Variants in SFSWAP observed in about 807,000 individuals in gnomAD.
The protein encoded by SFSWAP is splicing factor, suppressor of white-apricot homolog.
In SFSWAP, 17 loss-of-function variants were observed where a neutral mutation model predicts 100.7. The ratio of observed to expected loss-of-function variants is 0.17; its 90% CI spans 0.12 to 0.25. The LOEUF is 0.25. Ranked by LOEUF, SFSWAP falls within the 10% of genes least tolerant of loss-of-function variation. SFSWAP has a pLI of 1.00. For missense variants in SFSWAP, 1,005 were observed against 1,262.6 expected, an observed-to-expected ratio of 0.80 and a Z score of 3.09; for synonymous variants, 504 against 510.1, an observed-to-expected ratio of 0.99 and a Z score of 0.16.
intron 13 of SFSWAP, among the ~76,000 whole-genome samples, chr12:131,773,868 CAGG>C (rs1307441635): frequency 6.6e-6 from 1 of 152,134 alleles, no homozygotes; most frequent in African/African-American, 2.4e-5. Flanking sequence ...ACAGCACAGC[CAGG>C]AGGAGAGTGG....
intron 13 of SFSWAP, among the ~76,000 whole-genome samples, chr12:131,769,832 T>A (rs1178481723): frequency 6.6e-6 from 1 of 152,192 alleles, no homozygotes. Context: ...TTTCACCATG[T>A]TAGCCAAGAT....
At chr12:131,777,541 C>T (rs1278121143) in intron 13 of SFSWAP, among the ~76,000 whole-genome samples, 1 of 152,182 alleles carries the variant, frequency 6.6e-6, no homozygotes, top group Non-Finnish European at 1.5e-5. Flanking sequence ...TCCAGTCTAT[C>T]ATTGTTGGAC....
intron 16 of SFSWAP, among the ~76,000 whole-genome samples, 179 bp from the exon 17 acceptor site, chr12:131,798,858 C>T (rs542092980): frequency 6.6e-6 from 1 of 151,810 alleles, no homozygotes; most frequent in Admixed American, 6.5e-5. Context: ...CCATTGCACT[C>T]CAGCCTGGGT....
chr12:131,756,354 C>A, intron 10 of SFSWAP, 119 bp from the exon 11 acceptor site: 1 of 815,120 alleles, frequency 1.2e-6, no homozygotes. Context: ...CCCAGTGCTG[C>A]TTGGGCAGTA....
Position 131,778,867 on chromosome 12 carries a change from G to A in SFSWAP, c.2408+537G>A, listed in dbSNP as rs1375182653. 6.6e-6 allele frequency among the ~76,000 whole-genome samples: 1 copy of A among 151,864 alleles called. No individual in the cohort carries two copies. Among genetic ancestry groups the A allele is most frequent in the African/African-American group, 2.4e-5 (1 of 41,334 alleles). The stretch of plus-strand genomic sequence containing the variant: ...AACTACTGCCAGGTTTTTAAAAATT[G>A]GTTTGTTTAAATTCTAATGGTTCCT... On this transcript the variant is annotated intron_variant, in intron 14 of 17. Transcript: ENST00000261674. The surrounding 1 kb of genome is among the most constrained non-coding windows in gnomAD (Gnocchi z 4.2).
Position 131,755,364 on chromosome 12 carries a change from TTTTC to T in SFSWAP, c.1455-14_1455-11del. The T allele has an allele frequency of 1.3e-6, 2 of 1,580,860 alleles. No individual in the cohort carries two copies. The highest frequency in any genetic ancestry group is 1.7e-6 in the Non-Finnish European group (2 of 1,150,456). On this transcript the variant is annotated intron_variant, in intron 9 of 17. Transcript: ENST00000261674. ...TGAGCTTGTCTTGGTAAATGACCCATTTTCTTTCTTTTTCTGCTCAGATTTGAGT... is the reference window on the plus strand; with the variant it reads ...TGAGCTTGTCTTGGTAAATGACCCATTTTCTTTTTCTGCTCAGATTTGAGT...
chr12:131,768,753 T>C (rs984947457), intron 13 of SFSWAP, among the ~76,000 whole-genome samples: 2 of 152,186 alleles, frequency 1.3e-5, no homozygotes, highest in Non-Finnish European at 2.9e-5. Context: ...CCACAGCTCT[T>C]CAGAGTCGGG....
At position 131,763,794 on chromosome 12, in the gene SFSWAP, T is replaced by C. The variant is rs376423797; in HGVS notation, c.1721-662T>C. Among the ~76,000 whole-genome samples the C allele has an allele frequency of 1.3e-4, 20 of 152,206 alleles. No individual in the cohort carries two copies. The East Asian group carries it at 1.5e-3, about 12-fold the overall frequency. ...CATCATATGCCTCCTGAAGCAAATTTAGATATATGCTGAGCCATGAATTTT... is the reference window on the plus strand; with the variant it reads ...CATCATATGCCTCCTGAAGCAAATTCAGATATATGCTGAGCCATGAATTTT... On this transcript the variant is annotated intron_variant, in intron 11 of 17. Transcript: ENST00000261674.
chr12:131,767,010 TC>T (rs1277645975), intron 13 of SFSWAP, among the ~76,000 whole-genome samples: 2 of 140,984 alleles, frequency 1.4e-5, no homozygotes, highest in East Asian at 2.2e-4. Context: ...AGGGGATTGC[TC>T]CCATGCGTGT....
rs1304911739 is a variant in SFSWAP, at chr12:131,714,002, A to G, written c.219-69A>G. 3 of 1,161,800 alleles carry G rather than the reference A, an allele frequency of 2.6e-6. No individual in the cohort carries two copies. The East Asian group carries it at 7.2e-5, about 28-fold the overall frequency. The allele number at this position is 1,161,800 out of a possible 1,614,324, so 72.0% of individuals were successfully genotyped here. On this transcript the variant is annotated intron_variant, in intron 1 of 17. Coordinates refer to ENST00000261674, the MANE Select transcript of SFSWAP (RefSeq NM_004592.4). This position sits in a 1 kb window ranked among gnomAD's most constrained non-coding sequence, Gnocchi z 6.0. ...TGTGTGTATATATATATACATATAT[A>G]AAACATCACACACGCACACCAGTCT...
At position 131,730,770 on chromosome 12, in the gene SFSWAP, G is replaced by A. The variant is rs571748440; in HGVS notation, c.1081+2342G>A. Among the ~76,000 whole-genome samples, 20 of 152,154 alleles carry A rather than the reference G, an allele frequency of 1.3e-4. No individual in the cohort carries two copies. The highest frequency in any genetic ancestry group is 3.9e-4 in the East Asian group (2 of 5,172). On this transcript the variant is annotated intron_variant, in intron 7 of 17. Transcript: ENST00000261674. This position sits in a 1 kb window ranked among gnomAD's most constrained non-coding sequence, Gnocchi z 4.0. ...GACTACCACCACCCTGGGCACTGAC[G>A]GCACCCCACCCTATCCTCCCAACTG...
chr12:131,764,307 G>C (rs939825512), intron 11 of SFSWAP, 149 bp from the exon 12 acceptor site: 2 of 648,866 alleles, frequency 3.1e-6, no homozygotes, highest in Non-Finnish European at 5.4e-6. Context: ...CTGCTCTGAC[G>C]GCACGGCGTC....
intron 13 of SFSWAP, among the ~76,000 whole-genome samples, chr12:131,775,779 T>C (rs1412491333): frequency 6.6e-6 from 1 of 152,122 alleles, no homozygotes; most frequent in Non-Finnish European, 1.5e-5. Flanking sequence ...CGTTTGTGTG[T>C]TAGAATTATG....
Position 131,731,222 on chromosome 12 carries a change from G to A in SFSWAP, c.1081+2794G>A, listed in dbSNP as rs563327152. Reference sequence around the variant, plus strand: ...GCCTTATGGGATGAGTGGCTGTGGCGTGGCGTTACGTCGGGTCCTCCAGCA... The same window carrying A: ...GCCTTATGGGATGAGTGGCTGTGGCATGGCGTTACGTCGGGTCCTCCAGCA... On this transcript the variant is annotated intron_variant, in intron 7 of 17. Coordinates refer to ENST00000261674, the MANE Select transcript of SFSWAP (RefSeq NM_004592.4). Among the ~76,000 whole-genome samples, 406 of 152,356 alleles carry A rather than the reference G, an allele frequency of 2.7e-3. 1 individual carries two copies. The highest frequency in any genetic ancestry group is 6.8e-3 in the Middle Eastern group (2 of 294).
intron 10 of SFSWAP, 116 bp downstream of exon 10, chr12:131,755,595 CT>C (rs138667965): frequency 3.5e-4 from 244 of 693,224 alleles, no homozygotes; most frequent in Middle Eastern, 2.9e-3. Context: ...GATTCTTCAC[CT>C]TTTTTTAATG....
intron 14 of SFSWAP, chr12:131,785,019 G>T (rs372987295): frequency 1.4e-6 from 2 of 1,433,532 alleles, no homozygotes; most frequent in South Asian, 1.3e-5. Context: ...TTCTGGTAGC[G>T]CCCAGCCCAG....
intron 11 of SFSWAP, among the ~76,000 whole-genome samples, chr12:131,762,131 G>A (rs1414252759): frequency 6.6e-6 from 1 of 152,154 alleles, no homozygotes; most frequent in East Asian, 1.9e-4. Context: ...TACTCAAGAG[G>A]CTGAGGCAGG....
intron 8 of SFSWAP, 105 bp downstream of exon 8, chr12:131,753,468 G>A: frequency 1.4e-6 from 2 of 1,408,366 alleles, no homozygotes; most frequent in South Asian, 3.0e-5. Context: ...ATCATATACA[G>A]GGGTCCCCAT....
intron 11 of SFSWAP, chr12:131,757,419 C>T (rs918169661): frequency 6.6e-6 from 1 of 152,390 alleles, no homozygotes; most frequent in African/African-American, 2.4e-5. Context: ...CGGGGAGGGG[C>T]CAGCACATCT....
Sources: gnomAD v4.1 joint callset for allele counts (sites outside exome capture counted in the v4.1 genomes callset) on GRCh38, gnomAD v4.1.1 for gene constraint, Gnocchi (gnomAD v3.1) non-coding constraint, MANE v1.5 for transcripts, NCBI Gene and HGNC (gene_info 2026-07-23, HGNC 2026-07-21) for gene names.